The following CORIN variants were observed in gnomAD, a reference collection of about 807,000 sequenced individuals.
CORIN encodes atrial natriuretic peptide-converting enzyme.
Under a neutral mutation model 125.3 loss-of-function variants are expected in CORIN, and 117 were observed. The ratio of observed to expected loss-of-function variants is 0.93; its 90% CI spans 0.80 to 1.09. CORIN has a LOEUF of 1.09. Ranked by LOEUF, CORIN falls within the 50% of genes least tolerant of loss-of-function variation. CORIN has a pLI of 0.00. For missense variants in CORIN, 1,253 were observed against 1,306.7 expected, an observed-to-expected ratio of 0.96 and a Z score of 0.63; for synonymous variants, 450 against 466.4, an observed-to-expected ratio of 0.96 and a Z score of 0.45.
At chr4:47,623,459 G>A (rs1197592453) in intron 19 of CORIN, 112 bp downstream of exon 19, 2 of 1,105,690 alleles carry the variant, frequency 1.8e-6, no homozygotes, top group African/African-American at 3.1e-5. Context: ...AAGTAGATTA[G>A]CTGTGGCTTT....
In CORIN at chr4:47,603,497, C is replaced by T. The variant is rs1311833241; in HGVS notation, c.2712G>A (p.Glu904=). 5.6e-6 allele frequency: 9 copies of T among 1,614,208 alleles called. No homozygotes were observed. Among genetic ancestry groups the T allele is most frequent in the South Asian group, 2.2e-5 (2 of 91,088 alleles). ...AGCAGACAGGCCGGACGTAGCCAGT[C>T]TCACTGATGTCTTCACTCAGCTCAA... is the stretch of plus-strand genomic sequence containing the variant. ...SIVELSEDIS[E]TGYVRPVCLP... The change falls in exon 20 of 22, where the codon GAG becomes GAA. Residue 904 remains glutamate (E), a synonymous_variant. Transcript: ENST00000273857.
chr4:47,820,565 G>C (rs1411576318), intron 1 of CORIN, among the ~76,000 whole-genome samples: 3 of 152,126 alleles, frequency 2.0e-5, no homozygotes, highest in African/African-American at 7.2e-5. Flanking sequence ...AGCAAGTGTA[G>C]AATTCCCAAG....
chr4:47,780,612 C>G (rs986746647), intron 3 of CORIN, among the ~76,000 whole-genome samples: 1 of 151,664 alleles, frequency 6.6e-6, no homozygotes, highest in Non-Finnish European at 1.5e-5. Context: ...TTTTTTTTTA[C>G]TAGAGAGCAT....
chr4:47,674,658 T>A (rs952319433), intron 9 of CORIN, among the ~76,000 whole-genome samples, 158 bp from the exon 10 acceptor site: 1 of 152,216 alleles, frequency 6.6e-6, no homozygotes, highest in African/African-American at 2.4e-5. Context: ...GAATAGGTGC[T>A]TTCTGGATTC....
chr4:47,791,355 T>G (rs1394099382), intron 2 of CORIN, among the ~76,000 whole-genome samples: 2 of 152,208 alleles, frequency 1.3e-5, no homozygotes, highest in Non-Finnish European at 2.9e-5. Flanking sequence ...CCATAGAGTC[T>G]GCAGAAGGAA....
intron 4 of CORIN, among the ~76,000 whole-genome samples, chr4:47,762,289 T>G (rs1729503093): frequency 6.6e-6 from 1 of 152,116 alleles, no homozygotes; most frequent in African/African-American, 2.4e-5. Flanking sequence ...AGTAAATGCA[T>G]GCAATTTTAT....
At chr4:47,693,216 T>A in intron 5 of CORIN, 133 bp from the exon 6 acceptor site, 1 of 647,860 alleles carries the variant, frequency 1.5e-6, no homozygotes, top group Non-Finnish European at 2.7e-6. Flanking sequence ...TCAGTTTTAT[T>A]GTCATCAATT....
intron 3 of CORIN, among the ~76,000 whole-genome samples, chr4:47,771,341 G>T (rs905324833): frequency 6.6e-6 from 1 of 152,168 alleles, no homozygotes; most frequent in African/African-American, 2.4e-5. Context: ...CAATTTGAAA[G>T]GATATCGTGT....
chr4:47,681,953 C>G (rs1394899682), intron 7 of CORIN: 2 of 152,212 alleles, frequency 1.3e-5, no homozygotes, highest in Non-Finnish European at 2.9e-5. Flanking sequence ...GAATACTATT[C>G]AGCCACGCCA....
chr4:47,778,922 T>TG (rs1730408781), intron 3 of CORIN, among the ~76,000 whole-genome samples: 1 of 152,168 alleles, frequency 6.6e-6, no homozygotes, highest in Non-Finnish European at 1.5e-5. Context: ...AATATTTTTT[T>TG]CCTCTACAGC....
intron 5 of CORIN, among the ~76,000 whole-genome samples, chr4:47,714,865 G>A (rs562611646): frequency 2.6e-5 from 4 of 152,116 alleles, no homozygotes; most frequent in Non-Finnish European, 5.9e-5. Context: ...GCTTTCTATC[G>A]CCAGTGCACT....
intron 1 of CORIN, among the ~76,000 whole-genome samples, chr4:47,812,213 T>G (rs1411089959): frequency 6.6e-6 from 1 of 152,108 alleles, no homozygotes; most frequent in Non-Finnish European, 1.5e-5. Context: ...ACACTATATA[T>G]GTGGCTGGGC....
chr4:47,612,924 G>C (rs998632839), intron 19 of CORIN, among the ~76,000 whole-genome samples: 1 of 152,124 alleles, frequency 6.6e-6, no homozygotes, highest in African/African-American at 2.4e-5. Context: ...ATTATGCTAG[G>C]TTCCAAAAAA....
intron 4 of CORIN, among the ~76,000 whole-genome samples, chr4:47,762,287 CA>C (rs1021317065): frequency 9.9e-5 from 15 of 152,192 alleles, no homozygotes; most frequent in African/African-American, 2.6e-4. Context: ...ACAGTAAATG[CA>C]TGCAATTTTA....
chr4:47,693,026 T>C lies in CORIN; in HGVS notation c.857A>G (p.Lys286Arg), dbSNP rs781372875. 2.5e-6 allele frequency: 4 copies of C among 1,613,888 alleles called. No individual in the cohort carries two copies. In the South Asian group the frequency reaches 3.3e-5, roughly 13 times the overall value. ...LCASGICIPG[K>R]LQCNGYNDCD... ...GTCGTTGTAGCCATTACATTGCAGT[T>C]TCCCGGGGATGCAGATTCCACTGGC... is the stretch of plus-strand genomic sequence containing the variant. The change falls in exon 6 of 22, where the codon AAA becomes AGA. Residue 286 changes from lysine (K) to arginine (R), a missense_variant. By Grantham distance (26) the Lys-to-Arg change is conservative. Transcript: ENST00000273857.
chr4:47,686,042 T>C (rs1458945627), intron 6 of CORIN, among the ~76,000 whole-genome samples: 2 of 147,926 alleles, frequency 1.4e-5, no homozygotes, highest in African/African-American at 5.0e-5. Flanking sequence ...CACTTTACTG[T>C]AAACATCCCA....
intron 2 of CORIN, among the ~76,000 whole-genome samples, chr4:47,804,096 A>AT (rs1474565629): frequency 6.6e-6 from 1 of 152,236 alleles, no homozygotes; most frequent in Non-Finnish European, 1.5e-5. Flanking sequence ...AAATAAGCAT[A>AT]TGAAAAGGGG....
Position 47,766,065 on chromosome 4 carries a change from GAGGCAGAGC to G in CORIN, c.410-2488_410-2480del, listed in dbSNP as rs1577904251. Among the ~76,000 whole-genome samples the G allele has an allele frequency of 2.0e-5, 3 of 152,336 alleles. No homozygotes were observed. The East Asian group carries it at 5.8e-4, about 29-fold the overall frequency. The stretch of plus-strand genomic sequence containing the variant: ...CTTTCTTTGAAAAGTAGCCGGTTCA[GAGGCAGAGC>G]TCAAAATCGAATCTGGAGTAAGGTA... On this transcript the variant is annotated intron_variant, in intron 3 of 21. Coordinates refer to ENST00000273857, the MANE Select transcript of CORIN (RefSeq NM_006587.4).
intron 15 of CORIN, 89 bp downstream of exon 15, chr4:47,643,057 A>T: frequency 6.3e-7 from 1 of 1,598,244 alleles, no homozygotes; most frequent in East Asian, 2.3e-5. Context: ...CTTGGTCAGT[A>T]AAATCCAGGA....
Sources: allele counts gnomAD v4.1 joint callset (sites outside exome capture counted in the v4.1 genomes callset), GRCh38; gene constraint gnomAD v4.1.1; transcripts MANE v1.5; gene names NCBI Gene and HGNC (gene_info 2026-07-23, HGNC 2026-07-21).